The following PCDHGB5 variants were observed in gnomAD, a reference collection of about 807,000 sequenced individuals.
PCDHGB5 encodes protocadherin gamma-B5.
A neutral mutation model predicts 62.9 loss-of-function variants in PCDHGB5; 48 were observed. The ratio of observed to expected loss-of-function variants is 0.76; its 90% CI spans 0.61 to 0.97. PCDHGB5 has a LOEUF of 0.97. Among genes scored for constraint, PCDHGB5 ranks in the 50% least tolerant of loss-of-function variants. The pLI is 0.00. For synonymous variants in PCDHGB5, 474 were observed against 511.2 expected (o/e 0.93, Z 0.98); for missense variants, 1,118 against 1,198.6 (o/e 0.93, Z 0.99).
chr5:141,441,905 C>G, intron 1 of PCDHGB5: 1 of 348,464 alleles, frequency 2.9e-6, no homozygotes, highest in Non-Finnish European at 5.5e-6. Flanking sequence ...GCTGTAGACG[C>G]AGATGTGAGA....
At chr5:141,449,837 T>A (rs917239289) in intron 1 of PCDHGB5, among the ~76,000 whole-genome samples, 3 of 151,742 alleles carry the variant, frequency 2.0e-5, no homozygotes, top group Non-Finnish European at 4.4e-5. Context: ...TTCTTTTATA[T>A]AATTAAATTT....
chr5:141,416,650 A>G (rs935670434), intron 1 of PCDHGB5: 2 of 152,238 alleles, frequency 1.3e-5, no homozygotes, highest in Admixed American at 6.5e-5. Context: ...CCACAGCTGT[A>G]AAAAAGAAAA....
rs748472174 is a variant in PCDHGB5, at chr5:141,398,092, T to C, written c.-36T>C. On this transcript the variant is annotated 5_prime_UTR_variant, in exon 1 of 4. Coordinates refer to ENST00000617380, the MANE Select transcript of PCDHGB5 (RefSeq NM_018925.3). ...CAGAGGTTATTTGTAACCTGGCGTCTCCAGGCTGGTGAGCAAGCTGAGGAG... is the reference window on the plus strand; with the variant it reads ...CAGAGGTTATTTGTAACCTGGCGTCCCCAGGCTGGTGAGCAAGCTGAGGAG... The C allele has an allele frequency of 1.2e-5, 19 of 1,598,994 alleles. No individual in the cohort carries two copies. Among genetic ancestry groups the C allele is most frequent in the Non-Finnish European group, 1.6e-5 (19 of 1,173,124 alleles).
intron 1 of PCDHGB5, chr5:141,418,551 T>A (rs766987131): frequency 1.2e-6 from 2 of 1,614,026 alleles, no homozygotes; most frequent in South Asian, 2.2e-5. Context: ...ATAAGAATCC[T>A]GGTAATAGAT....
rs771341809 is a variant in PCDHGB5 at position 141,404,607 on chromosome 5, T to C, written c.2397+4083T>C. 5 of 1,613,938 alleles carry C rather than the reference T, an allele frequency of 3.1e-6. No homozygotes were observed. The African/African-American group carries it at 6.7e-5, about 22-fold the overall frequency. ...AGCAATGTGTCATTGAGACTGTTTG[T>C]TTTGGACCAGAATGACAATGCCCCA... On this transcript the variant is annotated intron_variant, in intron 1 of 3. Coordinates refer to ENST00000617380, the MANE Select transcript of PCDHGB5 (RefSeq NM_018925.3).
At chr5:141,421,120 G>T (rs747126094) in intron 1 of PCDHGB5, 4 of 779,870 alleles carry the variant, frequency 5.1e-6, no homozygotes, top group Non-Finnish European at 7.9e-6. Flanking sequence ...ATTTTCCTTC[G>T]CTTTCTGATA....
intron 3 of PCDHGB5, chr5:141,508,338 A>T (rs1245526252): frequency 1.3e-5 from 2 of 152,224 alleles, no homozygotes; most frequent in Non-Finnish European, 2.9e-5. Flanking sequence ...AACTGACTCT[A>T]CAGAAAGTCA....
chr5:141,502,126 A>C (rs2154593060), intron 2 of PCDHGB5, among the ~76,000 whole-genome samples: 1 of 152,252 alleles, frequency 6.6e-6, no homozygotes, highest in South Asian at 2.1e-4. Flanking sequence ...AGGCCCACAG[A>C]GCTCAGTCGG....
At chr5:141,408,645 C>T (rs763904747) in intron 1 of PCDHGB5, 10 of 1,613,890 alleles carry the variant, frequency 6.2e-6, no homozygotes, top group Non-Finnish European at 8.5e-6. Flanking sequence ...TCTGCATCCG[C>T]TGGTACACGA....
In PCDHGB5 at chr5:141,491,250, C is replaced by T. The variant is rs1328621598; in HGVS notation, c.2398-3557C>T. The T allele has an allele frequency of 6.2e-7, 1 of 1,614,148 alleles. No individual in the cohort carries two copies. Among genetic ancestry groups the T allele is most frequent in the South Asian group, 1.1e-5 (1 of 91,092 alleles). ...TGCTGCTGGTTCTGGAGGATGAGGA[C>T]CCTGAGGAAATGCCCAAATCCAGTG... On this transcript the variant is annotated intron_variant, in intron 1 of 3. Transcript: ENST00000617380. The surrounding 1 kb of genome is among the most constrained non-coding windows in gnomAD (Gnocchi z 6.9).
In PCDHGB5 at chr5:141,477,928, C is replaced by T; in HGVS notation, c.2398-16879C>T. On this transcript the variant is annotated intron_variant, in intron 1 of 3. Coordinates refer to ENST00000617380, the MANE Select transcript of PCDHGB5 (RefSeq NM_018925.3). This position sits in a 1 kb window ranked among gnomAD's most constrained non-coding sequence, Gnocchi z 4.9. ...GGGACGCGGATGCAGGGCACAATGC[C>T]TGGCTCTCCTACAGTCTCTTGGGAT... The T allele has an allele frequency of 6.2e-7, 1 of 1,614,186 alleles. No individual in the cohort carries two copies.
chr5:141,429,377 G>T (rs1029180912), intron 1 of PCDHGB5, among the ~76,000 whole-genome samples: 1 of 149,434 alleles, frequency 6.7e-6, no homozygotes, highest in African/African-American at 2.5e-5. Context: ...GAGAAAATGT[G>T]TTTTTTTTTT....
At position 141,490,646 on chromosome 5, in the gene PCDHGB5, C is replaced by G. The variant is rs202183643; in HGVS notation, c.2398-4161C>G. The G allele has an allele frequency of 8.7e-6, 14 of 1,614,068 alleles. No homozygotes were observed. In the African/African-American group the frequency reaches 1.7e-4, roughly 20 times the overall value. ...GCTTACATCCTAGAAAACCGGCCTC[C>G]GGGCTCCCTTCTTTGCACTGTGGCT... On this transcript the variant is annotated intron_variant, in intron 1 of 3. Coordinates refer to ENST00000617380, the MANE Select transcript of PCDHGB5 (RefSeq NM_018925.3). This position sits in a 1 kb window ranked among gnomAD's most constrained non-coding sequence, Gnocchi z 5.4.
rs781026604 is a variant in PCDHGB5, at chr5:141,490,471, C to A, written c.2398-4336C>A. The A allele has an allele frequency of 6.2e-7, 1 of 1,614,214 alleles. No individual in the cohort carries two copies. The highest frequency in any genetic ancestry group is 1.1e-5 in the South Asian group (1 of 91,088). On this transcript the variant is annotated intron_variant, in intron 1 of 3. Transcript: ENST00000617380. This position sits in a 1 kb window ranked among gnomAD's most constrained non-coding sequence, Gnocchi z 5.4. ...CCACTACTCGCTGCTAACCAGCCAGCCTTTGGACCGGGAGGCCACATCCCA... is the reference window on the plus strand; with the variant it reads ...CCACTACTCGCTGCTAACCAGCCAGACTTTGGACCGGGAGGCCACATCCCA...
chr5:141,448,706 C>G (rs1344013319), intron 1 of PCDHGB5, among the ~76,000 whole-genome samples: 1 of 151,732 alleles, frequency 6.6e-6, no homozygotes, highest in African/African-American at 2.4e-5. Context: ...TTTGGGAGGC[C>G]GAGGCGGGAG....
intron 1 of PCDHGB5, among the ~76,000 whole-genome samples, chr5:141,436,517 G>A (rs1398225419): frequency 1.3e-5 from 2 of 152,130 alleles, no homozygotes; most frequent in African/African-American, 4.8e-5. Flanking sequence ...TGTTAACTGT[G>A]TCACCTTTAG....
chr5:141,450,490 T>C (rs1480357834), intron 1 of PCDHGB5, among the ~76,000 whole-genome samples: 1 of 152,164 alleles, frequency 6.6e-6, no homozygotes, highest in Non-Finnish European at 1.5e-5. Context: ...TTTGTTTGTC[T>C]GTTTGTTTGT....
At chr5:141,418,899 T>C (rs1320380997) in intron 1 of PCDHGB5, 1 of 1,613,944 alleles carries the variant, frequency 6.2e-7, no homozygotes. Flanking sequence ...AGCCCAGAAA[T>C]AATCATCACG....
At chr5:141,492,576 G>A (rs2099742137) in intron 1 of PCDHGB5, among the ~76,000 whole-genome samples, 1 of 152,234 alleles carries the variant, frequency 6.6e-6, no homozygotes, top group Admixed American at 6.5e-5. Context: ...AGCGAGGCGC[G>A]GGGCCAGGAG....
Sources: gnomAD v4.1 joint callset for allele counts (sites outside exome capture counted in the v4.1 genomes callset) on GRCh38, gnomAD v4.1.1 for gene constraint, Gnocchi (gnomAD v3.1) non-coding constraint, MANE v1.5 for transcripts, NCBI Gene and HGNC (gene_info 2026-07-23, HGNC 2026-07-21) for gene names.